Variants in UBP1 observed in about 807,000 individuals in gnomAD.
The protein encoded by UBP1 is upstream binding protein 1.
UBP1 carries 22 observed loss-of-function variants against 76.1 expected under a neutral mutation model. The ratio of observed to expected loss-of-function variants is 0.29; its 90% CI spans 0.21 to 0.41. The LOEUF is 0.41. Ranked by LOEUF, UBP1 falls within the 10% of genes least tolerant of loss-of-function variation. The pLI is 1.00. For missense variants in UBP1, 436 were observed against 668.1 expected, an observed-to-expected ratio of 0.65 and a Z score of 3.83; for synonymous variants, 224 against 237.1, an observed-to-expected ratio of 0.94 and a Z score of 0.51.
At chr3:33,408,054 T>C (rs1017215206) in intron 8 of UBP1, among the ~76,000 whole-genome samples, 1 of 152,068 alleles carries the variant, frequency 6.6e-6, no homozygotes, top group Non-Finnish European at 1.5e-5. Context: ...CAAGGTACAC[T>C]ACTTTGGCCT....
At chr3:33,397,194 C>T in intron 11 of UBP1, 59 bp from the exon 12 acceptor site, 2 of 1,330,816 alleles carry the variant, frequency 1.5e-6, no homozygotes, top group Non-Finnish European at 2.1e-6. Flanking sequence ...AACTGCTTTA[C>T]AGGCATCTGT....
At chr3:33,434,460 G>A (rs1208287411) in intron 1 of UBP1, among the ~76,000 whole-genome samples, 1 of 151,356 alleles carries the variant, frequency 6.6e-6, no homozygotes, top group Admixed American at 6.6e-5. Flanking sequence ...ACCATGCCCA[G>A]CTAATTTTGT....
At chr3:33,400,378 C>A in intron 10 of UBP1, 96 bp from the exon 11 acceptor site, 1 of 933,602 alleles carries the variant, frequency 1.1e-6, no homozygotes, top group Admixed American at 3.3e-5. Flanking sequence ...AAGTAAAAAA[C>A]ACCCAAAAAG....
intron 2 of UBP1, among the ~76,000 whole-genome samples, chr3:33,423,023 A>G (rs2044939897): frequency 6.8e-6 from 1 of 147,008 alleles, no homozygotes; most frequent in South Asian, 2.2e-4. Context: ...CAGTTCCTTT[A>G]AAATTACTCA....
chr3:33,434,320 AAG>A (rs1463615882), intron 1 of UBP1, among the ~76,000 whole-genome samples: 7 of 141,992 alleles, frequency 4.9e-5, no homozygotes, highest in Non-Finnish European at 7.6e-5. Context: ...TTTTTTGAGA[AAG>A]AGTCTTGCTC....
At chr3:33,404,825 T>G (rs893892159) in intron 8 of UBP1, among the ~76,000 whole-genome samples, 1 of 152,136 alleles carries the variant, frequency 6.6e-6, no homozygotes, top group African/African-American at 2.4e-5. Context: ...GACAGATGAT[T>G]CAAAAGGACT....
chr3:33,434,606 G>A (rs1160760857), intron 1 of UBP1, among the ~76,000 whole-genome samples: 1 of 151,712 alleles, frequency 6.6e-6, no homozygotes, highest in African/African-American at 2.4e-5. Flanking sequence ...TTTAGAGCAG[G>A]GGTTGACAAG....
chr3:33,408,629 C>G, intron 8 of UBP1, 61 bp downstream of exon 8: 2 of 1,401,130 alleles, frequency 1.4e-6, no homozygotes, highest in South Asian at 1.4e-5. Flanking sequence ...GGAAGTTGGT[C>G]CTATATCTAA....
intron 7 of UBP1, 46 bp downstream of exon 7, chr3:33,409,190 T>A (rs749317321): frequency 6.3e-7 from 1 of 1,576,800 alleles, no homozygotes. Flanking sequence ...TAGACTAATA[T>A]GCAACCTTTG....
At chr3:33,430,577 C>A (rs1203180107) in intron 1 of UBP1, among the ~76,000 whole-genome samples, 1 of 152,200 alleles carries the variant, frequency 6.6e-6, no homozygotes, top group Non-Finnish European at 1.5e-5. Flanking sequence ...ATTTTGTCTG[C>A]TGGTATTCAG....
chr3:33,430,592 T>G (rs1344582951), intron 1 of UBP1, among the ~76,000 whole-genome samples: 2 of 152,252 alleles, frequency 1.3e-5, no homozygotes, highest in Admixed American at 6.5e-5. Context: ...ATTCAGATCT[T>G]TTCTGCCTCT....
intron 15 of UBP1, chr3:33,391,496 C>G (rs2043762032): frequency 6.6e-6 from 1 of 152,180 alleles, no homozygotes; most frequent in Non-Finnish European, 1.5e-5. Flanking sequence ...CATCTCAAGC[C>G]CAGGCCTCTT....
intron 2 of UBP1, among the ~76,000 whole-genome samples, chr3:33,420,378 TAC>T (rs543197922): frequency 6.1e-4 from 93 of 152,176 alleles, no homozygotes; most frequent in Non-Finnish European, 1.0e-3. Context: ...CAGGCTGGAG[TAC>T]AGTGGTGCAA....
At chr3:33,405,516 AG>A (rs1457229096) in intron 8 of UBP1, among the ~76,000 whole-genome samples, 1 of 152,240 alleles carries the variant, frequency 6.6e-6, no homozygotes, top group African/African-American at 2.4e-5. Flanking sequence ...GAAAGGTGCA[AG>A]TATATCCTTT....
chr3:33,398,286 C>G (rs2044085988), intron 11 of UBP1: 1 of 152,094 alleles, frequency 6.6e-6, no homozygotes, highest in Admixed American at 6.5e-5. Flanking sequence ...ATGCAATAGC[C>G]TACTAAATTT....
intron 5 of UBP1, among the ~76,000 whole-genome samples, chr3:33,410,459 G>A (rs767840673): frequency 6.6e-6 from 1 of 152,144 alleles, no homozygotes; most frequent in African/African-American, 2.4e-5. Flanking sequence ...AATATTCAAC[G>A]GATATAAACC....
intron 1 of UBP1, among the ~76,000 whole-genome samples, chr3:33,431,717 G>C (rs1431332571): frequency 6.6e-6 from 1 of 151,432 alleles, no homozygotes; most frequent in Admixed American, 6.6e-5. Flanking sequence ...TCCAGCCTGG[G>C]CGACAGAGTG....
At chr3:33,420,531 C>G (rs549959028) in intron 2 of UBP1, among the ~76,000 whole-genome samples, 2 of 142,840 alleles carry the variant, frequency 1.4e-5, no homozygotes, top group African/African-American at 5.3e-5. Flanking sequence ...ACACTGCCAT[C>G]AGGCTGGAGT....
chr3:33,394,858 A>G (rs1337779975), intron 13 of UBP1, among the ~76,000 whole-genome samples: 4 of 148,674 alleles, frequency 2.7e-5, no homozygotes, highest in Non-Finnish European at 1.5e-5. Flanking sequence ...TTACTGGAAC[A>G]GCCTTATCTA....
Sources: allele counts gnomAD v4.1 joint callset (sites outside exome capture counted in the v4.1 genomes callset), GRCh38; gene constraint gnomAD v4.1.1; transcripts MANE v1.5; gene names NCBI Gene and HGNC (gene_info 2026-07-23, HGNC 2026-07-21).